SYNE2: variants seen among roughly 807,000 people sequenced by gnomAD.
The protein encoded by SYNE2 is spectrin repeat containing nuclear envelope protein 2.
In SYNE2, 431 loss-of-function variants were observed where a neutral mutation model predicts 856.3. That is an observed-to-expected ratio of 0.50 (90% confidence interval 0.47 to 0.55). The LOEUF (loss-of-function observed/expected upper bound fraction) is 0.55. Ranked by LOEUF, SYNE2 falls within the 20% of genes least tolerant of loss-of-function variation. SYNE2 has a pLI of 0.00. For synonymous variants in SYNE2, 2,923 were observed against 2,872.3 expected (o/e 1.02, Z -0.56); for missense variants, 8,129 against 8,023.2 (o/e 1.01, Z -0.50).
At chr14:64,030,923 A>G (rs768885209) in intron 44 of SYNE2, 93 bp from the exon 45 acceptor site, 288 of 988,950 alleles carry the variant, frequency 2.9e-4, no homozygotes, top group Middle Eastern at 2.2e-3. Context: ...AAATATTTCT[A>G]CTGGTGAAGC....
chr14:64,141,202 A>G (rs2098136605), intron 80 of SYNE2, 139 bp from the exon 81 acceptor site: 1 of 682,648 alleles, frequency 1.5e-6, no homozygotes, highest in Admixed American at 2.9e-5. Context: ...CAACAGTAGG[A>G]AAAAGGGGTG....
At chr14:63,993,718 A>G in intron 21 of SYNE2, 117 bp from the exon 22 acceptor site, 1 of 869,078 alleles carries the variant, frequency 1.2e-6, no homozygotes, top group Non-Finnish European at 1.8e-6. Context: ...TATTCTTCAG[A>G]GAGCACCTTC....
At chr14:64,195,251 A>T (rs1295527724) in intron 99 of SYNE2, among the ~76,000 whole-genome samples, 1 of 152,186 alleles carries the variant, frequency 6.6e-6, no homozygotes, top group African/African-American at 2.4e-5. Context: ...CTTGGTTGGA[A>T]TCATTTTAAT....
intron 11 of SYNE2, among the ~76,000 whole-genome samples, chr14:63,975,468 G>A (rs143396247): frequency 0.012 from 1,848 of 152,178 alleles, 14 homozygotes; most frequent in Non-Finnish European, 0.016. Context: ...GAGTAGCTGA[G>A]ACTATAGGTG....
chr14:63,995,184 T>A lies in SYNE2; in HGVS notation c.2922T>A (p.Gly974=). The part of the protein sequence containing the change: ...KKLIRRGRTK[G]LIKEHEACFS... ...TTATCCGTAGAGGAAGGACCAAGGG[T>A]CTCATCAAAGAACATGAGGTACAAT... Residue 974 remains glycine (G), a synonymous_variant, in exon 23 of 116, where the codon GGT becomes GGA. Transcript: ENST00000555002. 6.2e-7 allele frequency: 1 copy of A among 1,607,800 alleles called. No individual in the cohort carries two copies. The highest frequency in any genetic ancestry group is 8.5e-7 in the Non-Finnish European group (1 of 1,176,370).
At chr14:64,096,199 A>G (rs568103608) in intron 61 of SYNE2, among the ~76,000 whole-genome samples, 1 of 152,346 alleles carries the variant, frequency 6.6e-6, no homozygotes, top group East Asian at 1.9e-4. Context: ...ACTAAGACAC[A>G]TATTTTTATC....
intron 86 of SYNE2, 120 bp downstream of exon 86, chr14:64,158,915 A>G: frequency 9.2e-7 from 1 of 1,091,998 alleles, no homozygotes; most frequent in Non-Finnish European, 1.4e-6. Context: ...AGCATGTTAA[A>G]TAGCAGTTTC....
chr14:64,021,814 C>G, intron 36 of SYNE2, 43 bp from the exon 37 acceptor site: 1 of 1,600,220 alleles, frequency 6.2e-7, no homozygotes, highest in Non-Finnish European at 8.6e-7. Flanking sequence ...GTAATTTGAG[C>G]CTGTTTTAAG....
intron 2 of SYNE2, among the ~76,000 whole-genome samples, chr14:63,920,795 A>G (rs1350543745): frequency 1.3e-5 from 2 of 151,726 alleles, no homozygotes; most frequent in Non-Finnish European, 2.9e-5. Flanking sequence ...GGTATGGGAG[A>G]AGGAGAGGGA....
In SYNE2 at chr14:64,026,732, TA is replaced by T; in HGVS notation, c.6404+5del. On this transcript the variant is annotated splice_donor_region_variant and intron_variant, in intron 42 of 115. Transcript: ENST00000555002. ...CCATTTAGCTAGCACCTACCTAAGG[TA>T]AAGGGCATGCCTGCACCACTTGCAT... is the stretch of plus-strand genomic sequence containing the variant. The T allele has an allele frequency of 1.2e-6, 2 of 1,604,322 alleles. No individual in the cohort carries two copies. Among genetic ancestry groups the T allele is most frequent in the South Asian group, 1.1e-5 (1 of 89,390 alleles).
intron 46 of SYNE2, 59 bp from the exon 47 acceptor site, chr14:64,049,552 A>C (rs2097209735): frequency 6.4e-7 from 1 of 1,568,348 alleles, no homozygotes; most frequent in African/African-American, 1.4e-5. Context: ...AAGAAGATGA[A>C]TGAATTAATG....
In SYNE2 at chr14:63,961,611, G is replaced by A. The variant is rs1374945705; in HGVS notation, c.874G>A (p.Gly292Arg). 6.2e-7 allele frequency: 1 copy of A among 1,612,980 alleles called. No homozygotes were observed. Among genetic ancestry groups the A allele is most frequent in the Non-Finnish European group, 8.5e-7 (1 of 1,179,002 alleles). ...GTATTCCAAAGATGCCCCTGGGACT[G>A]GAGAGGAGGCTCAGGTATGTTTTCA... ...LQYSKDAPGT[G>R]EEAQGKVKDA... Residue 292 changes from glycine (G) to arginine (R), a missense_variant, in exon 9 of 116, where the codon GGA (glycine) becomes AGA (arginine). By Grantham distance (125) the Gly-to-Arg change is moderately radical. This residue lies in a region of SYNE2 where 2,422 missense variants were observed against 2,357.4 expected (regional missense o/e 1.03). Coordinates refer to ENST00000555002, the MANE Select transcript of SYNE2 (RefSeq NM_182914.3).
At chr14:64,114,175 A>G (rs1214122867) in intron 66 of SYNE2, among the ~76,000 whole-genome samples, 2 of 152,176 alleles carry the variant, frequency 1.3e-5, no homozygotes, top group Non-Finnish European at 2.9e-5. Flanking sequence ...TGGGAGGGGC[A>G]GGGATATAAA....
intron 1 of SYNE2, among the ~76,000 whole-genome samples, chr14:63,895,481 G>A (rs892034466): frequency 6.6e-6 from 1 of 150,922 alleles, no homozygotes; most frequent in African/African-American, 2.4e-5. Context: ...GGCCCAGGAA[G>A]GGTGGTTCAC....
chr14:63,869,153 C>T (rs2140341100), intron 1 of SYNE2, among the ~76,000 whole-genome samples: 1 of 152,324 alleles, frequency 6.6e-6, no homozygotes. Context: ...TAGTGAAACC[C>T]TGAGGTGGAA....
intron 1 of SYNE2, among the ~76,000 whole-genome samples, chr14:63,827,143 T>C (rs1453539035): frequency 1.3e-5 from 2 of 151,440 alleles, no homozygotes; most frequent in East Asian, 3.9e-4. Context: ...CTGGGCATGG[T>C]GGCACATACC....
At position 64,007,119 on chromosome 14, in the gene SYNE2, A is replaced by C. The variant is rs759496296; in HGVS notation, c.4474A>C (p.Asn1492His). The change falls in exon 31 of 116, where the codon AAT becomes CAT. Residue 1492 changes from asparagine to histidine, a missense_variant. This residue lies in a region of SYNE2 where 2,422 missense variants were observed against 2,357.4 expected (regional missense o/e 1.03). Transcript: ENST00000555002. Reference protein sequence around the residue: ...EEKRHLQEMANSLPHFKDGRE... With the variant: ...EEKRHLQEMAHSLPHFKDGRE... ...GAAGAGACATTTACAAGAAATGGCT[A>C]ATTCTCTTCCACACTTCAAAGATGG... The C allele has an allele frequency of 1.2e-6, 2 of 1,613,494 alleles. No homozygotes were observed. The highest frequency in any genetic ancestry group is 4.5e-5 in the East Asian group (2 of 44,880).
upstream of SYNE2, among the ~76,000 whole-genome samples, chr14:63,848,041 C>T (rs1451358584): frequency 6.6e-6 from 1 of 152,184 alleles, no homozygotes; most frequent in Non-Finnish European, 1.5e-5. Context: ...CGCTCACCAC[C>T]ATGCCTGGCT....
At chr14:64,130,339 T>C (rs565012493) in intron 76 of SYNE2, 91 bp downstream of exon 76, 3 of 1,163,340 alleles carry the variant, frequency 2.6e-6, no homozygotes, top group Middle Eastern at 2.0e-4. Flanking sequence ...ATTTTTCTTC[T>C]TTGTTGAAAT....
Sources: gnomAD v4.1 joint callset for allele counts (sites outside exome capture counted in the v4.1 genomes callset) on GRCh38, gnomAD v4.1.1 for gene constraint, gnomAD v4.1.1 regional missense constraint, MANE v1.5 for transcripts, NCBI Gene and HGNC (gene_info 2026-07-23, HGNC 2026-07-21) for gene names.